MYO10: variants seen among roughly 807,000 people sequenced by gnomAD.
MYO10 encodes the protein unconventional myosin-X.
MYO10 carries 133 observed loss-of-function variants against 257.3 expected under a neutral mutation model. The observed-to-expected ratio is 0.52, with a 90% CI of 0.45 to 0.60. The LOEUF is 0.60. MYO10 is among the 20% of genes least tolerant of loss of function. The probability of loss-of-function intolerance (pLI) is 0.00; values close to 1 mark genes in which losing one functional copy is unlikely to be tolerated. For synonymous variants in MYO10, 1,104 were observed against 1,028.6 expected (o/e 1.07, Z -1.40); for missense variants, 2,399 against 2,635.7 (o/e 0.91, Z 1.97).
intron 28 of MYO10, among the ~76,000 whole-genome samples, chr5:16,686,818 T>G (rs1737275216): frequency 6.6e-6 from 1 of 152,176 alleles, no homozygotes; most frequent in Non-Finnish European, 1.5e-5. Flanking sequence ...TGAGCCATTG[T>G]GCCTGGCCTA....
chr5:16,680,162 C>T (rs1188503963), intron 32 of MYO10, 58 bp from the exon 33 acceptor site: 13 of 1,566,566 alleles, frequency 8.3e-6, no homozygotes, highest in Non-Finnish European at 1.1e-5. Context: ...GGGACTGAGG[C>T]AATGCCTGTG....
chr5:16,698,630 T>TTTTTTTTG (rs1737877774), intron 26 of MYO10, among the ~76,000 whole-genome samples: 2 of 136,212 alleles, frequency 1.5e-5, no homozygotes, highest in East Asian at 2.0e-4. Flanking sequence ...GCAGTTTTTT[T>TTTTTTTTG]TTTTTTTTTT....
At chr5:16,822,100 A>C (rs1742837624) in intron 2 of MYO10, among the ~76,000 whole-genome samples, 1 of 152,192 alleles carries the variant, frequency 6.6e-6, no homozygotes, top group Non-Finnish European at 1.5e-5. Context: ...TGGCATTCAG[A>C]AGGTGCTAAA....
intron 40 of MYO10, among the ~76,000 whole-genome samples, chr5:16,667,935 A>G (rs1561163096): frequency 1.3e-5 from 2 of 152,292 alleles, no homozygotes; most frequent in African/African-American, 2.4e-5. Flanking sequence ...TGACACCGCT[A>G]TAATTGCTAA....
At chr5:16,766,008 TC>T in intron 11 of MYO10, 71 bp downstream of exon 11, 1 of 1,025,924 alleles carries the variant, frequency 9.7e-7, no homozygotes, top group Admixed American at 2.0e-5. Context: ...ATTACATATT[TC>T]AATCAAACCT....
In MYO10 at chr5:16,701,019, C is replaced by T. The variant is rs762917806; in HGVS notation, c.3376G>A (p.Gly1126Arg). The T allele has an allele frequency of 1.9e-5, 29 of 1,562,342 alleles. No homozygotes were observed. The African/African-American group carries it at 3.4e-4, about 18-fold the overall frequency. Residue 1126 changes from glycine to arginine, a missense_variant, in exon 25 of 41, where the codon GGG becomes AGG. Transcript: ENST00000513610. This position sits in a 1 kb window ranked among gnomAD's most constrained non-coding sequence, Gnocchi z 8.1. Reference sequence around the variant, plus strand: ...TAGGCACCCGAGCTGTTGTAGGTCCCCACAGAGCAGCGGTAGTCGGGGGAC... The same window carrying T: ...TAGGCACCCGAGCTGTTGTAGGTCCTCACAGAGCAGCGGTAGTCGGGGGAC... The part of the protein sequence containing the change: ...QWSPDYRCSV[G>R]TYNSSGAYRF...
chr5:16,719,462 A>AT (rs1456183630), intron 19 of MYO10, among the ~76,000 whole-genome samples: 2 of 152,344 alleles, frequency 1.3e-5, no homozygotes, highest in African/African-American at 2.4e-5. Context: ...GACAACGTAT[A>AT]TAATAACGAC....
At chr5:16,912,802 GCACACACACACACA>G (rs70943817) in intron 1 of MYO10, among the ~76,000 whole-genome samples, 35 of 111,646 alleles carry the variant, frequency 3.1e-4, no homozygotes, top group East Asian at 5.6e-4. Context: ...CTACCACCCT[GCACACACACACACA>G]CACACACACA....
intron 33 of MYO10, among the ~76,000 whole-genome samples, chr5:16,679,223 G>C (rs1736869602): frequency 6.6e-6 from 1 of 152,192 alleles, no homozygotes; most frequent in Non-Finnish European, 1.5e-5. Flanking sequence ...AAACTGTACA[G>C]TGACAGTGGA....
chr5:16,860,596 C>A (rs1744079386), intron 2 of MYO10, among the ~76,000 whole-genome samples: 1 of 152,256 alleles, frequency 6.6e-6, no homozygotes, highest in East Asian at 1.9e-4. Flanking sequence ...GTATCTGGGA[C>A]ACTTAAACCC....
intron 3 of MYO10, among the ~76,000 whole-genome samples, chr5:16,806,807 A>C (rs1256974151): frequency 2.0e-5 from 3 of 152,132 alleles, no homozygotes; most frequent in Admixed American, 1.3e-4. Context: ...AGAAGACACC[A>C]AGTCCACAGC....
chr5:16,906,699 G>A (rs1473025567), intron 1 of MYO10, among the ~76,000 whole-genome samples: 1 of 152,104 alleles, frequency 6.6e-6, no homozygotes, highest in Non-Finnish European at 1.5e-5. Context: ...TGGCCAAAAA[G>A]GACAGTCTCA....
chr5:16,875,065 GC>G (rs1220454384), intron 2 of MYO10, among the ~76,000 whole-genome samples: 3 of 152,098 alleles, frequency 2.0e-5, no homozygotes, highest in African/African-American at 7.2e-5. Context: ...GGAAAGACTA[GC>G]CCCCGTGATT....
chr5:16,755,715 TC>T (rs1005855123), intron 18 of MYO10, among the ~76,000 whole-genome samples: 2 of 150,356 alleles, frequency 1.3e-5, no homozygotes. Flanking sequence ...TACTTTCTTT[TC>T]CAACTTTTTT....
At chr5:16,692,833 T>C (rs951394528) in intron 27 of MYO10, among the ~76,000 whole-genome samples, 1 of 152,242 alleles carries the variant, frequency 6.6e-6, no homozygotes, top group Admixed American at 6.5e-5. Flanking sequence ...TAACTCAGTA[T>C]AATTCTGATG....
Position 16,673,680 on chromosome 5 carries a change from A to G in MYO10, c.5172+2T>C. 1 of 1,612,022 alleles carries G rather than the reference A, an allele frequency of 6.2e-7. No individual in the cohort carries two copies. Among genetic ancestry groups the G allele is most frequent in the Non-Finnish European group, 8.5e-7 (1 of 1,179,174 alleles). ...GAACAAGCAGCAGCTGCCTCTCCTC[A>G]CCTCCCCAGCGGTGGTGTGGGAGTT... On this transcript the variant is annotated splice_donor_variant, in intron 36 of 40. Transcript: ENST00000513610. LOFTEE classifies it high-confidence loss of function.
At chr5:16,810,725 T>G (rs1221977614) in intron 3 of MYO10, among the ~76,000 whole-genome samples, 1 of 152,090 alleles carries the variant, frequency 6.6e-6, no homozygotes, top group African/African-American at 2.4e-5. Flanking sequence ...CAAAGAACTA[T>G]GATCACACCA....
At chr5:16,749,484 CA>C (rs5866205) in intron 19 of MYO10, among the ~76,000 whole-genome samples, 7,562 of 80,624 alleles carry the variant, frequency 0.094, 555 homozygotes, top group African/African-American at 0.26. Flanking sequence ...GACTCCACCT[CA>C]AAAAAAAAAA....
intron 2 of MYO10, among the ~76,000 whole-genome samples, chr5:16,818,404 G>A (rs953981622): frequency 0.13 from 15,495 of 117,942 alleles, 1,013 homozygotes; most frequent in South Asian, 0.29. Flanking sequence ...GTGTGTGTGT[G>A]TGTGTGTATA....
Sources: gnomAD v4.1 joint callset for allele counts (sites outside exome capture counted in the v4.1 genomes callset) on GRCh38, gnomAD v4.1.1 for gene constraint, Gnocchi (gnomAD v3.1) non-coding constraint, MANE v1.5 for transcripts, NCBI Gene and HGNC (gene_info 2026-07-23, HGNC 2026-07-21) for gene names.